The following RPGRIP1 variants were observed in gnomAD, a reference collection of about 807,000 sequenced individuals.
RPGRIP1 encodes the protein RPGR interacting protein 1.
RPGRIP1 carries 128 observed loss-of-function variants against 157.9 expected under a neutral mutation model. The ratio of observed to expected loss-of-function variants is 0.81; its 90% CI spans 0.70 to 0.94. The LOEUF is 0.94. Ranked by LOEUF, RPGRIP1 falls within the 40% of genes least tolerant of loss-of-function variation. The pLI is 0.00. For synonymous variants in RPGRIP1, 554 were observed against 571.6 expected (o/e 0.97, Z 0.44); for missense variants, 1,486 against 1,545.8 (o/e 0.96, Z 0.65).
At chr14:21,295,079 G>A (rs1306941088) in intron 3 of RPGRIP1, among the ~76,000 whole-genome samples, 3 of 151,798 alleles carry the variant, frequency 2.0e-5, no homozygotes. Flanking sequence ...CCTGACCTCA[G>A]ATGATGCACC....
chr14:21,326,100 C>T lies in RPGRIP1; in HGVS notation c.2637C>T (p.Asp879=). ...CTATACATGTTTTTGATGATGAAGACTTAGAGCCTGGCTCGTATCTTGGCC... is the reference window on the plus strand; with the variant it reads ...CTATACATGTTTTTGATGATGAAGATTTAGAGCCTGGCTCGTATCTTGGCC... ...ALSIHVFDDE[D]LEPGSYLGRA... Residue 879 remains aspartate, a synonymous_variant, in exon 17 of 25, where the codon GAC becomes GAT. Coordinates refer to ENST00000400017, the MANE Select transcript of RPGRIP1 (RefSeq NM_020366.4). 1 of 1,611,120 alleles carries T rather than the reference C, an allele frequency of 6.2e-7. No homozygotes were observed. Among genetic ancestry groups the T allele is most frequent in the African/African-American group, 1.3e-5 (1 of 74,962 alleles).
intron 2 of RPGRIP1, among the ~76,000 whole-genome samples, chr14:21,288,309 T>C (rs926704043): frequency 2.6e-5 from 4 of 151,270 alleles, no homozygotes; most frequent in African/African-American, 9.7e-5. Context: ...GCCTCCCAAG[T>C]AGCAGGGATT....
At chr14:21,314,280 C>T (rs372006738) in intron 10 of RPGRIP1, among the ~76,000 whole-genome samples, 31 of 151,788 alleles carry the variant, frequency 2.0e-4, no homozygotes, top group African/African-American at 6.8e-4. Flanking sequence ...GACAGGGTTT[C>T]GCCAGATTGC....
chr14:21,343,235 C>A lies in RPGRIP1; in HGVS notation c.3532+7C>A. 1 of 1,608,960 alleles carries A rather than the reference C, an allele frequency of 6.2e-7. No homozygotes were observed. Among genetic ancestry groups the A allele is most frequent in the Non-Finnish European group, 8.5e-7 (1 of 1,177,214 alleles). ...CACTTTCACTTTAGCAAGGGTGAGG[C>A]ATCCTGTGTGGTTACTGGGGTGAGG... is the stretch of plus-strand genomic sequence containing the variant. On this transcript the variant is annotated splice_region_variant and intron_variant, in intron 22 of 24. Coordinates refer to ENST00000400017, the MANE Select transcript of RPGRIP1 (RefSeq NM_020366.4).
At chr14:21,347,770 C>T (rs1218057098) in intron 23 of RPGRIP1, among the ~76,000 whole-genome samples, 3 of 152,070 alleles carry the variant, frequency 2.0e-5, no homozygotes, top group Admixed American at 1.3e-4. Flanking sequence ...GTTCTGTCAC[C>T]CAGGTTGAAG....
intron 8 of RPGRIP1, among the ~76,000 whole-genome samples, chr14:21,311,425 G>A (rs1006047644): frequency 1.3e-5 from 2 of 152,148 alleles, no homozygotes; most frequent in Non-Finnish European, 2.9e-5. Flanking sequence ...GGTGGCTCAT[G>A]CCTGTAATCC....
rs192349405 is a variant in RPGRIP1 at position 21,345,086 on chromosome 14, T to A, written c.3533-27T>A. The A allele has an allele frequency of 9.8e-5, 146 of 1,488,630 alleles. 3 individuals are homozygous for A. In the East Asian group the frequency reaches 1.6e-3, roughly 17 times the overall value. The allele number at this position is 1,488,630 out of a possible 1,614,324, so 92.2% of individuals were successfully genotyped here. ...CACACTGCAACAGTATATGATTCTT[T>A]GCTTTTTTCTCTTACCCTTAATACA... On this transcript the variant is annotated intron_variant, in intron 22 of 24. Coordinates refer to ENST00000400017, the MANE Select transcript of RPGRIP1 (RefSeq NM_020366.4).
At chr14:21,341,782 G>A (rs758238386) in intron 21 of RPGRIP1, among the ~76,000 whole-genome samples, 5 of 152,114 alleles carry the variant, frequency 3.3e-5, no homozygotes, top group Admixed American at 6.6e-5. Flanking sequence ...CTGGCCAGGC[G>A]CGGCGGCTCA....
intron 20 of RPGRIP1, among the ~76,000 whole-genome samples, chr14:21,332,748 A>G (rs1019170545): frequency 1.3e-5 from 2 of 152,148 alleles, no homozygotes; most frequent in African/African-American, 4.8e-5. Flanking sequence ...ATAAAAGAAG[A>G]CTATTTCTGT....
chr14:21,304,846 G>A (rs1389360361), intron 6 of RPGRIP1, among the ~76,000 whole-genome samples: 3 of 151,550 alleles, frequency 2.0e-5, no homozygotes, highest in Non-Finnish European at 4.4e-5. Context: ...CAGTTGCCCA[G>A]GCTGGAGGGC....
rs1566680249 is a variant in RPGRIP1 at position 21,317,790 on chromosome 14, C to CAGCT, written c.1247_1250dup (p.Asp418AlafsTer4). ...GCAGCAAGTCTCTCAGCTGCAGGATCAGCTGGATGCTGAGCTGGAGGACAA... is the reference window on the plus strand; with the variant it reads ...GCAGCAAGTCTCTCAGCTGCAGGATCAGCTAGCTGGATGCTGAGCTGGAGGACAA... On this transcript the variant is annotated frameshift_variant, in exon 11 of 25. Transcript: ENST00000400017. LOFTEE classifies it high-confidence loss of function. The CAGCT allele has an allele frequency of 6.2e-7, 1 of 1,603,714 alleles. No individual in the cohort carries two copies. The highest frequency in any genetic ancestry group is 2.2e-5 in the East Asian group (1 of 44,652).
At chr14:21,305,648 G>A (rs1472379890) in intron 6 of RPGRIP1, among the ~76,000 whole-genome samples, 1 of 152,186 alleles carries the variant, frequency 6.6e-6, no homozygotes, top group Non-Finnish European at 1.5e-5. Context: ...ATCATTTGTG[G>A]TCAGGAGATC....
chr14:21,314,091 G>C (rs569643244), intron 10 of RPGRIP1, among the ~76,000 whole-genome samples: 1 of 151,778 alleles, frequency 6.6e-6, no homozygotes, highest in African/African-American at 2.4e-5. Flanking sequence ...GGGACCACAG[G>C]TGCACACCAC....
At chr14:21,317,671 C>T (rs754541876) in intron 10 of RPGRIP1, 25 bp from the exon 11 acceptor site, 120 of 1,568,440 alleles carry the variant, frequency 7.7e-5, no homozygotes, top group Non-Finnish European at 1.0e-4. Flanking sequence ...GGGTATCCAT[C>T]TGAGAGCTTG....
intron 6 of RPGRIP1, among the ~76,000 whole-genome samples, chr14:21,305,014 G>A (rs1881240479): frequency 6.6e-6 from 1 of 152,166 alleles, no homozygotes; most frequent in South Asian, 2.1e-4. Flanking sequence ...ATGTTAGCCA[G>A]GATGGTCTCG....
intron 3 of RPGRIP1, among the ~76,000 whole-genome samples, chr14:21,297,980 T>G (rs567175211): frequency 4.5e-4 from 68 of 151,742 alleles, no homozygotes; most frequent in Non-Finnish European, 7.4e-4. Flanking sequence ...TATCAATAAA[T>G]CTTATCTACA....
At chr14:21,321,446 G>A (rs370102409) in intron 13 of RPGRIP1, 44 bp downstream of exon 13, 61 of 1,584,334 alleles carry the variant, frequency 3.9e-5, no homozygotes, top group South Asian at 4.6e-5. Context: ...TAACAGGAAC[G>A]TGGGAACCAC....
chr14:21,288,061 G>C lies in RPGRIP1; in HGVS notation c.85G>C (p.Gly29Arg), dbSNP rs763401090. 4.4e-6 allele frequency: 7 copies of C among 1,605,872 alleles called. No individual in the cohort carries two copies. Among genetic ancestry groups the C allele is most frequent in the Non-Finnish European group, 4.3e-6 (5 of 1,172,678 alleles). ...AIPLVLPASK[G>R]KNMKTQPPLS... ...ACCTCTGGTGCTACCAGCCTCAAAA[G>C]GTAACTTCTACGCCTGAGGATGGAC... Residue 29 changes from glycine to arginine, a missense_variant and splice_region_variant, in exon 2 of 25, where the codon GGT becomes CGT. Coordinates refer to ENST00000400017, the MANE Select transcript of RPGRIP1 (RefSeq NM_020366.4).
rs552737930 is a variant in RPGRIP1, at chr14:21,335,579, C to T, written c.3339+874C>T. Among the ~76,000 whole-genome samples, 786 of 152,126 alleles carry T rather than the reference C, an allele frequency of 5.2e-3. 9 individuals are homozygous for T. Among genetic ancestry groups the T allele is most frequent in the African/African-American group, 0.018 (758 of 41,496 alleles). ...GTTGCGGTGGCTCACGCCTGTAATC[C>T]CAGCGCTTTGGGAGGCCGAGACGGG... On this transcript the variant is annotated intron_variant, in intron 21 of 24. Transcript: ENST00000400017.
Sources: gnomAD v4.1 joint callset for allele counts (sites outside exome capture counted in the v4.1 genomes callset) on GRCh38, gnomAD v4.1.1 for gene constraint, MANE v1.5 for transcripts, NCBI Gene and HGNC (gene_info 2026-07-23, HGNC 2026-07-21) for gene names.